The following HEATR5A variants were observed in gnomAD, a reference collection of about 807,000 sequenced individuals.
HEATR5A encodes the protein HEAT repeat-containing protein 5A.
HEATR5A carries 178 observed loss-of-function variants against 218.8 expected under a neutral mutation model. The ratio of observed to expected loss-of-function variants is 0.81; its 90% confidence interval spans 0.72 to 0.92. HEATR5A has a LOEUF of 0.92. Ranked by LOEUF, HEATR5A falls within the 40% of genes least tolerant of loss-of-function variation. The pLI, the probability that HEATR5A is intolerant of heterozygous loss-of-function variation, is 0.00. For missense variants in HEATR5A, 2,420 were observed against 2,418.9 expected, an observed-to-expected ratio of 1.00 and a Z score of -0.01; for synonymous variants, 864 against 871.6, an observed-to-expected ratio of 0.99 and a Z score of 0.15.
At chr14:31,417,749 C>CA (rs779679473) in intron 1 of HEATR5A, among the ~76,000 whole-genome samples, 2,215 of 100,434 alleles carry the variant, frequency 0.022, 31 homozygotes, top group African/African-American at 0.049. Context: ...GACTCCATCT[C>CA]AAAAAAAAAA....
At chr14:31,316,938 T>A (rs1487608257) in intron 26 of HEATR5A, among the ~76,000 whole-genome samples, 1 of 152,136 alleles carries the variant, frequency 6.6e-6, no homozygotes, top group Non-Finnish European at 1.5e-5. Flanking sequence ...GCCACTTGCC[T>A]GCGCCTCCCA....
chr14:31,400,206 A>G (rs2139304190), intron 3 of HEATR5A, 95 bp downstream of exon 3: 1 of 708,708 alleles, frequency 1.4e-6, no homozygotes, highest in African/African-American at 1.8e-5. Flanking sequence ...GTTTGCATTC[A>G]GTTTCAAAGT....
At chr14:31,371,210 A>C (rs1447197624) in intron 13 of HEATR5A, among the ~76,000 whole-genome samples, 1 of 152,222 alleles carries the variant, frequency 6.6e-6, no homozygotes, top group Admixed American at 6.5e-5. Flanking sequence ...AGTATTTACT[A>C]TCTGGTCCTT....
In HEATR5A at chr14:31,387,130, C is replaced by G; in HGVS notation, c.1179G>C (p.Lys393Asn). 6.2e-7 allele frequency: 1 copy of G among 1,613,974 alleles called. No homozygotes were observed. Among genetic ancestry groups the G allele is most frequent in the Non-Finnish European group, 8.5e-7 (1 of 1,179,888 alleles). ...AGTAGAGATCCATACCCATAACTTT[C>G]TTTAGCTTCCAGATGGCCTGGCAAA... ...KDICQAIWKL[K>N]KVMDAVMSDG... The change falls in exon 8 of 36, where the codon AAG (lysine) becomes AAC (asparagine). Residue 393 changes from lysine (K) to asparagine (N), a missense_variant. Physicochemically the swap from Lys to Asn is moderately conservative, Grantham distance 94. Transcript: ENST00000543095.
chr14:31,397,752 G>A (rs1397765584), intron 4 of HEATR5A, among the ~76,000 whole-genome samples: 1 of 151,694 alleles, frequency 6.6e-6, no homozygotes, highest in African/African-American at 2.4e-5. Context: ...TCGAACTCCT[G>A]GGCTCAAGTG....
chr14:31,349,225 T>TA (rs966735125), intron 18 of HEATR5A, among the ~76,000 whole-genome samples: 4 of 151,940 alleles, frequency 2.6e-5, no homozygotes, highest in African/African-American at 7.3e-5. Context: ...CCGTCTCTAC[T>TA]AAAAAAATAC....
chr14:31,412,370 G>A (rs1057473357), intron 1 of HEATR5A, among the ~76,000 whole-genome samples: 2 of 151,878 alleles, frequency 1.3e-5, no homozygotes, highest in Admixed American at 6.6e-5. Context: ...GTCGAGGCGG[G>A]TGGATCACGA....
At chr14:31,363,267 C>G (rs900312116) in intron 14 of HEATR5A, among the ~76,000 whole-genome samples, 11 of 151,562 alleles carry the variant, frequency 7.3e-5, no homozygotes, top group Non-Finnish European at 1.0e-4. Context: ...TTATTTTAGT[C>G]TGAAAATAAA....
chr14:31,293,786 G>A, intron 35 of HEATR5A, 105 bp downstream of exon 35: 1 of 1,070,966 alleles, frequency 9.3e-7, no homozygotes, highest in South Asian at 1.5e-5. Context: ...ACCTTTCAAT[G>A]AATGTGAAAT....
chr14:31,321,312 A>C (rs1274547005), intron 25 of HEATR5A, among the ~76,000 whole-genome samples, 187 bp downstream of exon 25: 1 of 151,734 alleles, frequency 6.6e-6, no homozygotes, highest in Non-Finnish European at 1.5e-5. Context: ...CATGCCAGCT[A>C]GTTTTGTATT....
chr14:31,324,193 A>T (rs2139170125), intron 23 of HEATR5A, among the ~76,000 whole-genome samples: 1 of 152,294 alleles, frequency 6.6e-6, no homozygotes, highest in South Asian at 2.1e-4. Flanking sequence ...GGTGGGATAC[A>T]TTGGGAAGGC....
At chr14:31,378,965 G>A (rs1312891133) in intron 11 of HEATR5A, among the ~76,000 whole-genome samples, 8 of 151,060 alleles carry the variant, frequency 5.3e-5, no homozygotes, top group South Asian at 2.1e-4. Flanking sequence ...TTTTTGAGAC[G>A]GAGTCTTGTT....
chr14:31,390,730 C>T (rs1298709919), intron 6 of HEATR5A, among the ~76,000 whole-genome samples: 2 of 152,156 alleles, frequency 1.3e-5, no homozygotes, highest in African/African-American at 2.4e-5. Flanking sequence ...TACTACACTG[C>T]CAGTCATGTA....
intron 12 of HEATR5A, among the ~76,000 whole-genome samples, chr14:31,373,777 C>T (rs569463230): frequency 6.8e-4 from 104 of 152,120 alleles, no homozygotes; most frequent in Non-Finnish European, 1.3e-3. Context: ...GCCTACCTCT[C>T]CTGCCTCCCC....
intron 11 of HEATR5A, among the ~76,000 whole-genome samples, chr14:31,376,726 T>C (rs187930721): frequency 1.3e-5 from 2 of 151,980 alleles, no homozygotes; most frequent in Admixed American, 1.3e-4. Context: ...TAGTTCATAG[T>C]GAAATAATGA....
At chr14:31,386,275 T>C (rs2030216326) in intron 9 of HEATR5A, 145 bp downstream of exon 9, 3 of 632,398 alleles carry the variant, frequency 4.7e-6, no homozygotes, top group African/African-American at 3.8e-5. Flanking sequence ...ATACATCTTT[T>C]TAATAATCCT....
chr14:31,300,693 C>T (rs1482387086), intron 33 of HEATR5A, among the ~76,000 whole-genome samples: 1 of 152,206 alleles, frequency 6.6e-6, no homozygotes, highest in African/African-American at 2.4e-5. Context: ...GGCTCCAGAG[C>T]TCCTCAGACA....
rs772613065 is a variant in HEATR5A at position 31,308,033 on chromosome 14, A to G, written c.4691-13T>C. Reference sequence around the variant, plus strand: ...TCCACGCTGATTCCTGTGGAAAGCAAAAAAAGAGGAGGAGGCTTCTTTCAA... The same window carrying G: ...TCCACGCTGATTCCTGTGGAAAGCAGAAAAAGAGGAGGAGGCTTCTTTCAA... On this transcript the variant is annotated splice_polypyrimidine_tract_variant and intron_variant, in intron 29 of 35. Coordinates refer to ENST00000543095, the MANE Select transcript of HEATR5A (RefSeq NM_015473.4). The G allele has an allele frequency of 6.3e-7, 1 of 1,587,970 alleles. No homozygotes were observed. Among genetic ancestry groups the G allele is most frequent in the South Asian group, 1.2e-5 (1 of 85,340 alleles).
Position 31,293,099 on chromosome 14 carries a change from A to G in HEATR5A, c.*206T>C. The stretch of plus-strand genomic sequence containing the variant: ...AGTTAGCTCCATTGTCTTTTTAAAT[A>G]GAAAAACAAAACAAAACAAAACACA... On this transcript the variant is annotated 3_prime_UTR_variant, in exon 36 of 36. Coordinates refer to ENST00000543095, the MANE Select transcript of HEATR5A (RefSeq NM_015473.4). 2.2e-6 allele frequency: 1 copy of G among 458,916 alleles called. No individual in the cohort carries two copies. The highest frequency in any genetic ancestry group is 3.9e-5 in the Admixed American group (1 of 25,824). 28.4% of individuals were successfully genotyped at this position (458,916 alleles called of 1,614,324 possible).
Sources: gnomAD v4.1 joint callset for allele counts (sites outside exome capture counted in the v4.1 genomes callset) on GRCh38, gnomAD v4.1.1 for gene constraint, MANE v1.5 for transcripts, NCBI Gene and HGNC (gene_info 2026-07-23, HGNC 2026-07-21) for gene names.